KIAA1549L: variants seen among roughly 807,000 people sequenced by gnomAD.
KIAA1549L encodes KIAA1549 like.
A neutral mutation model predicts 160.7 loss-of-function variants in KIAA1549L; 88 were observed. The ratio of observed to expected loss-of-function variants is 0.55; its 90% confidence interval spans 0.46 to 0.65. KIAA1549L has a LOEUF of 0.65. Among genes scored for constraint, KIAA1549L ranks in the 30% least tolerant of loss-of-function variants. The pLI, the probability that KIAA1549L is intolerant of heterozygous loss-of-function variation, is 0.00. For synonymous variants in KIAA1549L, 950 were observed against 976.7 expected (o/e 0.97, Z 0.51); for missense variants, 2,258 against 2,437.5 (o/e 0.93, Z 1.55).
intron 12 of KIAA1549L, among the ~76,000 whole-genome samples, chr11:33,593,183 AG>A (rs1850107480): frequency 6.6e-6 from 1 of 152,212 alleles, no homozygotes. Context: ...TAACTCCAGC[AG>A]TTTGAGAGGC....
intron 14 of KIAA1549L, among the ~76,000 whole-genome samples, chr11:33,607,212 G>A (rs1419760021): frequency 2.6e-5 from 4 of 152,106 alleles, no homozygotes; most frequent in African/African-American, 9.7e-5. Context: ...GAATTGAGAG[G>A]GAACCAGGGA....
intron 15 of KIAA1549L, among the ~76,000 whole-genome samples, chr11:33,611,646 AT>A (rs1464578081): frequency 6.6e-6 from 1 of 152,104 alleles, no homozygotes; most frequent in Non-Finnish European, 1.5e-5. Flanking sequence ...TTTAGCTTTT[AT>A]TTTGTACTTC....
intron 1 of KIAA1549L, among the ~76,000 whole-genome samples, chr11:33,410,602 G>C (rs1850767799): frequency 6.6e-6 from 1 of 152,106 alleles, no homozygotes; most frequent in African/African-American, 2.4e-5. Context: ...TAACCTTGTG[G>C]CTTTTTCCTT....
At chr11:33,649,688 T>C (rs1403496652) in intron 17 of KIAA1549L, among the ~76,000 whole-genome samples, 4 of 151,752 alleles carry the variant, frequency 2.6e-5, no homozygotes, top group Non-Finnish European at 4.4e-5. Context: ...CCTTTGTTAA[T>C]GAGGAAATAT....
intron 13 of KIAA1549L, among the ~76,000 whole-genome samples, chr11:33,601,033 T>G (rs1045719955): frequency 1.3e-5 from 2 of 152,064 alleles, no homozygotes; most frequent in Admixed American, 1.3e-4. Context: ...GCCTCTTTAT[T>G]CTATTTAGGT....
At chr11:33,579,957 G>C (rs1276354715) in intron 10 of KIAA1549L, among the ~76,000 whole-genome samples, 2 of 152,136 alleles carry the variant, frequency 1.3e-5, no homozygotes, top group South Asian at 4.1e-4. Flanking sequence ...ACTTTGAATA[G>C]AGAGTCACAG....
chr11:33,494,905 C>T (rs1010636121), intron 1 of KIAA1549L, among the ~76,000 whole-genome samples: 3 of 152,048 alleles, frequency 2.0e-5, no homozygotes, highest in Admixed American at 6.5e-5. Context: ...TCACATCAGT[C>T]GTAGTCAAAT....
intron 1 of KIAA1549L, among the ~76,000 whole-genome samples, chr11:33,428,780 T>C (rs1273650587): frequency 2.0e-5 from 3 of 152,212 alleles, no homozygotes; most frequent in African/African-American, 7.2e-5. Flanking sequence ...TGTGTCTTTA[T>C]AGTAGCATGA....
intron 1 of KIAA1549L, among the ~76,000 whole-genome samples, chr11:33,464,474 A>G (rs57150901): frequency 0.012 from 1,684 of 140,198 alleles, 36 homozygotes; most frequent in South Asian, 0.045. Flanking sequence ...CTGTGTGTGC[A>G]TGTGTGTGTG....
At chr11:33,405,096 A>G (rs531938252) in intron 1 of KIAA1549L, among the ~76,000 whole-genome samples, 29 of 152,096 alleles carry the variant, frequency 1.9e-4, no homozygotes, top group African/African-American at 5.8e-4. Context: ...ATTTTGTTAT[A>G]TTGTTTTTGT....
chr11:33,577,275 G>A (rs1418098309), intron 10 of KIAA1549L, among the ~76,000 whole-genome samples: 1 of 152,214 alleles, frequency 6.6e-6, no homozygotes, highest in Non-Finnish European at 1.5e-5. Flanking sequence ...AAGGTGTGGG[G>A]AAGCAGTGAC....
rs953610183 is a variant in KIAA1549L, at chr11:33,644,034, G to A, written c.5410-1652G>A. Among the ~76,000 whole-genome samples the A allele has an allele frequency of 5.3e-5, 8 of 152,254 alleles. No individual in the cohort carries two copies. The South Asian group carries it at 1.7e-3, about 32-fold the overall frequency. ...GGGGGCATGCACCCAGGCATGAAAT[G>A]TCTTTGAGTTCTTGTTTATGATCGC... On this transcript the variant is annotated intron_variant, in intron 16 of 20. Transcript: ENST00000658780.
Position 33,551,102 on chromosome 11 carries a change from G to A in KIAA1549L, c.3564G>A (p.Leu1188=). The A allele has an allele frequency of 6.2e-7, 1 of 1,613,962 alleles. No individual in the cohort carries two copies. The highest frequency in any genetic ancestry group is 8.5e-7 in the Non-Finnish European group (1 of 1,179,864). The change falls in exon 5 of 21, where the codon TTG becomes TTA. Residue 1188 remains leucine, a synonymous_variant. Coordinates refer to ENST00000658780, the MANE Select transcript of KIAA1549L (RefSeq NM_012194.3). ...GTTATTATGCTACCAAAGGGAAGTT[G>A]GTGTATTTGCCTGCTGTGGTGATCG... is the stretch of plus-strand genomic sequence containing the variant. ...TVGYYATKGK[L]VYLPAVVIEM... is the part of the protein sequence containing the mutation.
chr11:33,503,091 T>C (rs1852989986), intron 1 of KIAA1549L, among the ~76,000 whole-genome samples: 1 of 152,230 alleles, frequency 6.6e-6, no homozygotes, highest in South Asian at 2.1e-4. Flanking sequence ...CATTACTAGC[T>C]CACCTGAAGT....
At position 33,668,115 on chromosome 11, in the gene KIAA1549L, G is replaced by A. The variant is rs1852545451; in HGVS notation, c.6402G>A (p.Leu2134=). 3.7e-6 allele frequency: 6 copies of A among 1,613,764 alleles called. No homozygotes were observed. In the East Asian group the frequency reaches 1.3e-4, roughly 36 times the overall value. ...CCATCCGGGAGGAGGTGGCCAAGCT[G>A]GCCAAAAAACAGACAGACATGTTTG... ...VKAIREEVAK[L]AKKQTDMFEF... Residue 2134 remains leucine, a synonymous_variant, in exon 21 of 21, where the codon CTG becomes CTA. Coordinates refer to ENST00000658780, the MANE Select transcript of KIAA1549L (RefSeq NM_012194.3).
rs898347790 is a variant in KIAA1549L at position 33,408,784 on chromosome 11, A to C, written c.238+31895A>C. On this transcript the variant is annotated intron_variant, in intron 1 of 20. Coordinates refer to ENST00000658780, the MANE Select transcript of KIAA1549L (RefSeq NM_012194.3). The stretch of plus-strand genomic sequence containing the variant: ...AACCCCATCACTACTAAAAATACAA[A>C]AAAAAAAAAAAAAAAATTAGCCGGA... 3.1e-4 allele frequency among the ~76,000 whole-genome samples: 24 copies of C among 77,070 alleles called. No individual in the cohort carries two copies. In the South Asian group the frequency reaches 5.7e-3, roughly 18 times the overall value. The allele number at this position is 77,070 out of a possible 152,430, so 50.6% of individuals were successfully genotyped here.
chr11:33,664,703 G>A (rs1852381939), intron 20 of KIAA1549L, among the ~76,000 whole-genome samples: 2 of 152,218 alleles, frequency 1.3e-5, no homozygotes. Context: ...GAACCAGAAA[G>A]TGGGCCCTCA....
chr11:33,584,759 G>A (rs1423120822), intron 11 of KIAA1549L, among the ~76,000 whole-genome samples: 1 of 152,128 alleles, frequency 6.6e-6, no homozygotes, highest in Non-Finnish European at 1.5e-5. Context: ...AGCAGCAGAG[G>A]GGTGACTGAG....
chr11:33,456,853 A>G (rs1405151115), intron 1 of KIAA1549L, among the ~76,000 whole-genome samples: 2 of 152,244 alleles, frequency 1.3e-5, no homozygotes, highest in Non-Finnish European at 2.9e-5. Context: ...CACTTGTCCA[A>G]TCTAAACCTT....
Sources: allele counts gnomAD v4.1 joint callset (sites outside exome capture counted in the v4.1 genomes callset), GRCh38; gene constraint gnomAD v4.1.1; transcripts MANE v1.5; gene names NCBI Gene and HGNC (gene_info 2026-07-23, HGNC 2026-07-21).